MAPK10: variants seen among roughly 807,000 people sequenced by gnomAD.
MAPK10 encodes the protein mitogen-activated protein kinase 10, also known as JNK3 alpha protein kinase.
In MAPK10, 25 loss-of-function variants were observed where a neutral mutation model predicts 59.3. That is an observed-to-expected ratio of 0.42 (90% CI 0.31 to 0.59). MAPK10 has a LOEUF of 0.59. Ranked by LOEUF, MAPK10 falls within the 20% of genes least tolerant of loss-of-function variation. MAPK10 has a pLI of 0.15. For missense variants in MAPK10, 351 were observed against 568.9 expected (o/e 0.62, Z 3.90); for synonymous variants, 190 against 200.5 (o/e 0.95, Z 0.44).
chr4:86,427,801 T>C (rs1389616608), intron 1 of MAPK10, among the ~76,000 whole-genome samples: 2 of 152,206 alleles, frequency 1.3e-5, no homozygotes, highest in Admixed American at 6.5e-5. Context: ...ATACAAAATG[T>C]ATAGCTATCT....
intron 1 of MAPK10, among the ~76,000 whole-genome samples, chr4:86,515,617 G>A (rs1756592066): frequency 6.6e-6 from 1 of 152,054 alleles, no homozygotes; most frequent in South Asian, 2.1e-4. Context: ...TATGTTTGTT[G>A]GACATTTGAA....
chr4:86,284,826 C>T (rs111226149), intron 2 of MAPK10, among the ~76,000 whole-genome samples: 2 of 152,270 alleles, frequency 1.3e-5, no homozygotes, highest in African/African-American at 4.8e-5. Flanking sequence ...ACATGCAGTA[C>T]ATATGCAGTA....
rs540806220 is a variant in MAPK10, at chr4:86,289,693, T to G, written c.-7+64837A>C. On this transcript the variant is annotated intron_variant, in intron 2 of 13. Transcript: ENST00000641462. Reference sequence around the variant, plus strand: ...ATAATTATAATATATAATAGTGCTATATCTATTATATCTATTGGTCTTTAG... The same window carrying G: ...ATAATTATAATATATAATAGTGCTAGATCTATTATATCTATTGGTCTTTAG... Among the ~76,000 whole-genome samples the G allele has an allele frequency of 2.0e-5, 3 of 151,206 alleles. No homozygotes were observed. In the South Asian group the frequency reaches 6.2e-4, roughly 31 times the overall value.
chr4:86,315,833 C>A (rs1240147062), intron 2 of MAPK10, among the ~76,000 whole-genome samples: 1 of 152,064 alleles, frequency 6.6e-6, no homozygotes, highest in Non-Finnish European at 1.5e-5. Context: ...CACTCAACTT[C>A]AAATGCAGAT....
intron 4 of MAPK10, among the ~76,000 whole-genome samples, chr4:86,136,684 A>T (rs1194038469): frequency 6.6e-6 from 1 of 151,226 alleles, no homozygotes; most frequent in African/African-American, 2.5e-5. Flanking sequence ...ACACATAACA[A>T]TATTAACTTT....
intron 4 of MAPK10, among the ~76,000 whole-genome samples, chr4:86,147,905 T>G (rs1206074127): frequency 6.6e-6 from 1 of 152,332 alleles, no homozygotes; most frequent in Middle Eastern, 3.4e-3. Context: ...GCCTCCGTTA[T>G]TAGTACATTT....
intron 11 of MAPK10, chr4:86,040,807 T>G (rs1433419382): frequency 6.6e-6 from 1 of 151,694 alleles, no homozygotes; most frequent in Non-Finnish European, 1.5e-5. Flanking sequence ...AGGCCAGGAG[T>G]GTATGGGACA....
chr4:86,064,532 G>T, intron 10 of MAPK10, 142 bp from the exon 11 acceptor site: 4 of 756,724 alleles, frequency 5.3e-6, no homozygotes, highest in Admixed American at 2.6e-5. Flanking sequence ...TGATGGAAAA[G>T]AAAATGCATT....
intron 1 of MAPK10, among the ~76,000 whole-genome samples, chr4:86,433,982 C>T (rs1307904832): frequency 2.6e-5 from 4 of 151,994 alleles, no homozygotes. Flanking sequence ...ACTTTATTTC[C>T]ACTATATATA....
chr4:86,335,889 A>G (rs1721009396), intron 2 of MAPK10, among the ~76,000 whole-genome samples: 1 of 151,610 alleles, frequency 6.6e-6, no homozygotes, highest in African/African-American at 2.4e-5. Context: ...TGAGCCAATC[A>G]CCTCCCTCCC....
intron 1 of MAPK10, among the ~76,000 whole-genome samples, chr4:86,462,825 T>C (rs528662150): frequency 1.3e-5 from 2 of 152,088 alleles, no homozygotes; most frequent in Non-Finnish European, 2.9e-5. Flanking sequence ...ATGGAATATG[T>C]CCCTGGTATG....
intron 1 of MAPK10, among the ~76,000 whole-genome samples, chr4:86,536,534 A>C (rs1262605967): frequency 6.6e-6 from 1 of 152,246 alleles, no homozygotes; most frequent in Non-Finnish European, 1.5e-5. Context: ...TCTTCTTAAA[A>C]GAAAAATTTG....
chr4:86,090,170 T>G (rs554448009), intron 9 of MAPK10: 74 of 151,566 alleles, frequency 4.9e-4, no homozygotes, highest in African/African-American at 1.7e-3. Context: ...GGTTACTCAC[T>G]TGTTGTACTT....
intron 11 of MAPK10, among the ~76,000 whole-genome samples, chr4:86,060,691 T>C (rs1406584819): frequency 6.6e-6 from 1 of 152,164 alleles, no homozygotes; most frequent in Non-Finnish European, 1.5e-5. Flanking sequence ...CTCCTACTGA[T>C]AATCAAGATT....
intron 1 of MAPK10, among the ~76,000 whole-genome samples, chr4:86,508,046 T>A (rs1042870369): frequency 6.6e-6 from 1 of 152,114 alleles, no homozygotes; most frequent in Non-Finnish European, 1.5e-5. Context: ...TATGTAATTC[T>A]TCTCATTTAA....
chr4:86,223,051 T>C (rs1383075164), intron 2 of MAPK10, among the ~76,000 whole-genome samples: 2 of 152,210 alleles, frequency 1.3e-5, no homozygotes, highest in African/African-American at 2.4e-5. Context: ...AAACAGCCAT[T>C]GACCCTCAAT....
At chr4:86,321,419 G>GT (rs2095888264) in intron 2 of MAPK10, among the ~76,000 whole-genome samples, 1 of 151,956 alleles carries the variant, frequency 6.6e-6, no homozygotes, top group Non-Finnish European at 1.5e-5. Context: ...AAAATGATGA[G>GT]TTCATGTTCT....
chr4:86,371,226 TC>T (rs1738705803), intron 1 of MAPK10, among the ~76,000 whole-genome samples: 1 of 16,776 alleles, frequency 6.0e-5, no homozygotes, highest in Non-Finnish European at 3.0e-4. Flanking sequence ...ATCATTAATA[TC>T]ATCATTATTT....
intron 4 of MAPK10, among the ~76,000 whole-genome samples, chr4:86,145,821 A>T (rs2149193882): frequency 6.6e-6 from 1 of 152,158 alleles, no homozygotes; most frequent in East Asian, 1.9e-4. Context: ...TACCTGTAAC[A>T]TCCAGCATTT....
Sources: allele counts gnomAD v4.1 joint callset (sites outside exome capture counted in the v4.1 genomes callset), GRCh38; gene constraint gnomAD v4.1.1; transcripts MANE v1.5; gene names NCBI Gene and HGNC (gene_info 2026-07-23, HGNC 2026-07-21).